HECTD4: variants seen among roughly 807,000 people sequenced by gnomAD.
HECTD4 encodes the protein probable E3 ubiquitin-protein ligase HECTD4.
In HECTD4, 114 loss-of-function variants were observed where a neutral mutation model predicts 471.5. The observed-to-expected ratio is 0.24, with a 90% confidence interval of 0.21 to 0.28. The LOEUF (loss-of-function observed/expected upper bound fraction) is 0.28. Ranked by LOEUF, HECTD4 falls within the 10% of genes least tolerant of loss-of-function variation. HECTD4 has a pLI of 1.00. For synonymous variants in HECTD4, 2,012 were observed against 2,256.0 expected, an observed-to-expected ratio of 0.89 and a Z score of 3.07; for missense variants, 3,866 against 5,651.5, an observed-to-expected ratio of 0.68 and a Z score of 10.13.
chr12:112,182,041 T>C (rs1593903366), intron 62 of HECTD4, among the ~76,000 whole-genome samples: 1 of 152,034 alleles, frequency 6.6e-6, no homozygotes, highest in South Asian at 2.1e-4. Flanking sequence ...TGCAGTGAGC[T>C]GAGATTGTAC....
intron 72 of HECTD4, among the ~76,000 whole-genome samples, chr12:112,164,728 T>G (rs1240879235): frequency 2.0e-5 from 3 of 151,872 alleles, no homozygotes; most frequent in Admixed American, 6.6e-5. Context: ...TGCAAGCAAT[T>G]ATCCTGCCTC....
chr12:112,247,569 G>A lies in HECTD4; in HGVS notation c.4249-19C>T. Reference sequence around the variant, plus strand: ...TTTTGTTCTAAAGAAAAAAAAGATGGTATGCAGAATCTGCAAGAACCAAGT... The same window carrying A: ...TTTTGTTCTAAAGAAAAAAAAGATGATATGCAGAATCTGCAAGAACCAAGT... On this transcript the variant is annotated intron_variant, in intron 27 of 75. Transcript: ENST00000682272. 7.6e-7 allele frequency: 1 copy of A among 1,314,530 alleles called. No homozygotes were observed. The highest frequency in any genetic ancestry group is 1.0e-6 in the Non-Finnish European group (1 of 963,064). The allele number at this position is 1,314,530 out of a possible 1,614,324, so 81.4% of individuals were successfully genotyped here.
intron 7 of HECTD4, among the ~76,000 whole-genome samples, chr12:112,299,922 T>G (rs1465376978): frequency 6.6e-6 from 1 of 152,204 alleles, no homozygotes; most frequent in Non-Finnish European, 1.5e-5. Flanking sequence ...AAATATATCT[T>G]TATGTTGTCT....
intron 6 of HECTD4, among the ~76,000 whole-genome samples, chr12:112,308,435 C>CA (rs1044637619): frequency 0.029 from 1,552 of 53,064 alleles, 22 homozygotes; most frequent in African/African-American, 0.083. Flanking sequence ...TCAAAAAAAG[C>CA]AAAAAAAAAA....
intron 43 of HECTD4, among the ~76,000 whole-genome samples, chr12:112,227,229 G>A (rs984652047): frequency 4.6e-5 from 7 of 152,188 alleles, no homozygotes; most frequent in Middle Eastern, 3.2e-3. Flanking sequence ...GGAGACCAAC[G>A]CAGGTGGATC....
intron 7 of HECTD4, among the ~76,000 whole-genome samples, chr12:112,302,820 C>A (rs1300514866): frequency 6.6e-6 from 1 of 152,070 alleles, no homozygotes; most frequent in Non-Finnish European, 1.5e-5. Flanking sequence ...ATTTTCAACA[C>A]ACACAAAAGA....
At chr12:112,348,021 G>A (rs910929524) in intron 1 of HECTD4, among the ~76,000 whole-genome samples, 39 of 152,144 alleles carry the variant, frequency 2.6e-4, no homozygotes, top group African/African-American at 9.4e-4. Context: ...GTCTGGATAG[G>A]CCATAGAGAT....
chr12:112,260,380 T>C (rs1435178034), intron 18 of HECTD4, among the ~76,000 whole-genome samples: 3 of 152,148 alleles, frequency 2.0e-5, no homozygotes, highest in Non-Finnish European at 2.9e-5. Context: ...CTCAATGCAA[T>C]GCCTATCTGG....
chr12:112,174,326 G>A (rs1226124531), intron 66 of HECTD4, among the ~76,000 whole-genome samples: 2 of 148,618 alleles, frequency 1.3e-5, no homozygotes, highest in African/African-American at 5.0e-5. Context: ...GTGCCATGGT[G>A]CAGTCTTGGC....
At chr12:112,247,645 A>C (rs886637224) in intron 27 of HECTD4, 95 bp from the exon 28 acceptor site, 6 of 491,354 alleles carry the variant, frequency 1.2e-5, no homozygotes, top group Non-Finnish European at 2.1e-5. Flanking sequence ...AAAAACCACC[A>C]CCTTTGGTCC....
chr12:112,314,197 C>T (rs1047402961), intron 3 of HECTD4, among the ~76,000 whole-genome samples: 1 of 152,064 alleles, frequency 6.6e-6, no homozygotes, highest in Non-Finnish European at 1.5e-5. Context: ...CACCACCACA[C>T]TCATGAGTTA....
chr12:112,326,470 G>A lies in HECTD4; in HGVS notation c.178-6728C>T, dbSNP rs117881581. Reference sequence around the variant, plus strand: ...ATTGCACCACTGCATTCCAACCTGAGTGACAGAGTGAGACCCTGTCTCAAA... The same window carrying A: ...ATTGCACCACTGCATTCCAACCTGAATGACAGAGTGAGACCCTGTCTCAAA... On this transcript the variant is annotated intron_variant, in intron 1 of 75. Transcript: ENST00000682272. Among the ~76,000 whole-genome samples the A allele has an allele frequency of 3.2e-3, 488 of 152,262 alleles. 2 individuals carry two copies. Among genetic ancestry groups the A allele is most frequent in the Non-Finnish European group, 5.1e-3 (349 of 68,022 alleles).
intron 7 of HECTD4, among the ~76,000 whole-genome samples, chr12:112,293,280 G>A (rs920388359): frequency 6.7e-6 from 1 of 149,744 alleles, no homozygotes; most frequent in African/African-American, 2.5e-5. Context: ...CAGGAGAATC[G>A]CTTGAACATG....
chr12:112,217,764 T>C (rs1183650847), intron 45 of HECTD4, among the ~76,000 whole-genome samples: 1 of 152,326 alleles, frequency 6.6e-6, no homozygotes, highest in East Asian at 1.9e-4. Flanking sequence ...CTGGTCCCCA[T>C]CCTCTTATAG....
Position 112,381,303 on chromosome 12 carries a change from A to C in HECTD4, c.177+649T>G, listed in dbSNP as rs1566131724. On this transcript the variant is annotated intron_variant, in intron 1 of 75. Transcript: ENST00000682272. This position sits in a 1 kb window ranked among gnomAD's most constrained non-coding sequence, Gnocchi z 4.1. The stretch of plus-strand genomic sequence containing the variant: ...AAAAGGCCCTGCGGCCTAACGCGCC[A>C]GTGACCCTTCCCCGAGAGTGCATGG... Among the ~76,000 whole-genome samples, 3 of 152,166 alleles carry C rather than the reference A, an allele frequency of 2.0e-5. No homozygotes were observed. Among genetic ancestry groups the C allele is most frequent in the Admixed American group, 2.0e-4 (3 of 15,274 alleles).
At chr12:112,266,772 G>A (rs1232951376) in intron 14 of HECTD4, 140 bp downstream of exon 14, 12 of 645,652 alleles carry the variant, frequency 1.9e-5, no homozygotes, top group East Asian at 5.9e-5. Context: ...GTGAGCCACC[G>A]TGCCTGGCCT....
chr12:112,180,751 A>C (rs1566062876), intron 62 of HECTD4, among the ~76,000 whole-genome samples: 1 of 152,146 alleles, frequency 6.6e-6, no homozygotes, highest in Non-Finnish European at 1.5e-5. Flanking sequence ...CTTCCTGTTA[A>C]GCAGACCTGA....
Position 112,212,624 on chromosome 12 carries a change from T to G in HECTD4, c.7492A>C (p.Arg2498=). The G allele has an allele frequency of 6.2e-7, 1 of 1,612,488 alleles. No individual in the cohort carries two copies. Among genetic ancestry groups the G allele is most frequent in the South Asian group, 1.1e-5 (1 of 90,912 alleles). Residue 2498 remains arginine, a synonymous_variant, in exon 49 of 76, where the codon AGA becomes CGA. Transcript: ENST00000682272. ...GGAGGAGGTGGAGTCCCCTCAGTTC[T>G]CTCCCAGCCAATTCCTGCCACGTCA... The part of the protein sequence containing the change: ...PGDVAGIGWE[R]TEGTPPPPGQ...
chr12:112,309,409 G>C (rs1385953352), intron 5 of HECTD4, among the ~76,000 whole-genome samples, 152 bp downstream of exon 5: 2 of 152,200 alleles, frequency 1.3e-5, no homozygotes, highest in African/African-American at 4.8e-5. Flanking sequence ...GTGGCAATAA[G>C]AGAAGATTGG....
Sources: gnomAD v4.1 joint callset for allele counts (sites outside exome capture counted in the v4.1 genomes callset) on GRCh38, gnomAD v4.1.1 for gene constraint, Gnocchi (gnomAD v3.1) non-coding constraint, MANE v1.5 for transcripts, NCBI Gene and HGNC (gene_info 2026-07-23, HGNC 2026-07-21) for gene names.